FSTL4: variants seen among roughly 807,000 people sequenced by gnomAD.
The protein encoded by FSTL4 is follistatin-related protein 4.
In FSTL4, 28 loss-of-function variants were observed where a neutral mutation model predicts 78.2. The observed-to-expected ratio is 0.36, with a 90% CI of 0.27 to 0.49. FSTL4 has a LOEUF of 0.49. Among genes scored for constraint, FSTL4 ranks in the 20% least tolerant of loss-of-function variants. FSTL4 has a pLI of 0.98. For synonymous variants in FSTL4, 422 were observed against 440.5 expected (o/e 0.96, Z 0.53); for missense variants, 922 against 1,084.9 (o/e 0.85, Z 2.11).
chr5:133,330,073 C>T (rs1054554263), intron 4 of FSTL4, among the ~76,000 whole-genome samples: 2 of 152,186 alleles, frequency 1.3e-5, no homozygotes, highest in Non-Finnish European at 2.9e-5. Flanking sequence ...ACATAACAGA[C>T]GTGTAACAGG....
chr5:133,303,032 C>A (rs1753582838), intron 6 of FSTL4, among the ~76,000 whole-genome samples: 1 of 152,258 alleles, frequency 6.6e-6, no homozygotes, highest in East Asian at 1.9e-4. Flanking sequence ...CATAACCACC[C>A]TGCCAGCTCT....
At chr5:133,531,116 C>A (rs1759242929) in intron 3 of FSTL4, among the ~76,000 whole-genome samples, 1 of 152,224 alleles carries the variant, frequency 6.6e-6, no homozygotes, top group South Asian at 2.1e-4. Flanking sequence ...CACGGACTGA[C>A]CCCTCCTTGT....
intron 3 of FSTL4, among the ~76,000 whole-genome samples, chr5:133,431,168 C>T (rs1756928934): frequency 6.6e-6 from 1 of 152,188 alleles, no homozygotes; most frequent in Admixed American, 6.5e-5. Context: ...TCCCACTGAA[C>T]CCAGGTGTGG....
the FSTL4 span, among the ~76,000 whole-genome samples, chr5:133,675,245 G>A: frequency 6.6e-6 from 1 of 152,214 alleles, no homozygotes; most frequent in Non-Finnish European, 1.5e-5. Flanking sequence ...GCTCGTGTGA[G>A]AAAGAGCTGG....
At chr5:133,462,609 C>T (rs1388161417) in intron 3 of FSTL4, among the ~76,000 whole-genome samples, 3 of 152,240 alleles carry the variant, frequency 2.0e-5, no homozygotes, top group Middle Eastern at 3.4e-3. Flanking sequence ...GGGAAGGAGC[C>T]GGTAGACTAC....
chr5:133,512,030 T>C (rs1247043613), intron 3 of FSTL4, among the ~76,000 whole-genome samples: 1 of 152,256 alleles, frequency 6.6e-6, no homozygotes, highest in African/African-American at 2.4e-5. Flanking sequence ...TGCTCCCTTA[T>C]TGCCCCTCAT....
the FSTL4 span, among the ~76,000 whole-genome samples, chr5:133,728,832 T>TG: frequency 6.9e-6 from 1 of 143,938 alleles, no homozygotes; most frequent in Non-Finnish European, 1.5e-5. Flanking sequence ...GAAGGGAGGG[T>TG]GGGGGAAAAA....
At chr5:133,403,068 A>G (rs1311520929) in intron 3 of FSTL4, among the ~76,000 whole-genome samples, 4 of 152,194 alleles carry the variant, frequency 2.6e-5, no homozygotes, top group Non-Finnish European at 4.4e-5. Context: ...TTGTTGGAAA[A>G]TGGGTTACCC....
chr5:133,599,057 G>T (rs1478393574), intron 2 of FSTL4, among the ~76,000 whole-genome samples: 1 of 152,146 alleles, frequency 6.6e-6, no homozygotes, highest in Non-Finnish European at 1.5e-5. Flanking sequence ...CAGTCAAAGA[G>T]CACAGTCAGG....
At chr5:133,217,810 T>C (rs1401773524) in intron 12 of FSTL4, among the ~76,000 whole-genome samples, 1 of 152,116 alleles carries the variant, frequency 6.6e-6, no homozygotes, top group Non-Finnish European at 1.5e-5. Context: ...TCCCCACTTA[T>C]TACATTAAAC....
chr5:133,600,578 ATGTC>A (rs1255233489), intron 2 of FSTL4, among the ~76,000 whole-genome samples: 1 of 152,132 alleles, frequency 6.6e-6, no homozygotes, highest in African/African-American at 2.4e-5. Flanking sequence ...CTTTTTATCT[ATGTC>A]TGTAAAATGG....
At chr5:133,778,097 C>T in the FSTL4 span, among the ~76,000 whole-genome samples, 3 of 152,216 alleles carry the variant, frequency 2.0e-5, no homozygotes, top group African/African-American at 2.4e-5. Flanking sequence ...CCAGCATCCT[C>T]GAGGTCCTTG....
the FSTL4 span, among the ~76,000 whole-genome samples, chr5:133,679,784 T>C: frequency 3.3e-5 from 5 of 152,120 alleles, no homozygotes; most frequent in Non-Finnish European, 5.9e-5. Flanking sequence ...CTTAGTCTTC[T>C]GACCTCATCC....
At chr5:133,757,415 C>G in the FSTL4 span, among the ~76,000 whole-genome samples, 4 of 152,252 alleles carry the variant, frequency 2.6e-5, no homozygotes, top group East Asian at 1.9e-4. Context: ...TGCTCAATAG[C>G]ACGTGGTGAT....
chr5:133,480,317 G>A (rs1015234829), intron 3 of FSTL4, among the ~76,000 whole-genome samples: 3 of 152,340 alleles, frequency 2.0e-5, no homozygotes, highest in African/African-American at 7.2e-5. Context: ...CATGAGACCT[G>A]TACCTGGTGC....
chr5:133,477,790 T>A (rs1178502518), intron 3 of FSTL4, among the ~76,000 whole-genome samples: 1 of 152,230 alleles, frequency 6.6e-6, no homozygotes, highest in Non-Finnish European at 1.5e-5. Context: ...AAAAAATGTT[T>A]TTTTTTCTTT....
chr5:133,278,440 C>T (rs1752936853), intron 6 of FSTL4, among the ~76,000 whole-genome samples: 1 of 152,246 alleles, frequency 6.6e-6, no homozygotes. Context: ...CAGCTCCCAG[C>T]AGGGCTCTGT....
chr5:133,757,977 A>G, the FSTL4 span, among the ~76,000 whole-genome samples: 5 of 152,132 alleles, frequency 3.3e-5, no homozygotes, highest in South Asian at 2.1e-4. Context: ...AACTCATTAT[A>G]TATGTTGTAT....
intron 3 of FSTL4, among the ~76,000 whole-genome samples, chr5:133,565,421 AC>A (rs1760005549): frequency 6.6e-6 from 1 of 152,236 alleles, no homozygotes; most frequent in Admixed American, 6.5e-5. Flanking sequence ...GTAAGCATTG[AC>A]GTTACAGCAC....
Sources: gnomAD v4.1 joint callset for allele counts (sites outside exome capture counted in the v4.1 genomes callset) on GRCh38, gnomAD v4.1.1 for gene constraint, MANE v1.5 for transcripts, NCBI Gene and HGNC (gene_info 2026-07-23, HGNC 2026-07-21) for gene names.